Variants in CASR observed in about 807,000 individuals in gnomAD.
CASR encodes extracellular calcium-sensing receptor.
In CASR, 23 loss-of-function variants were observed where a neutral mutation model predicts 69.1. The ratio of observed to expected loss-of-function variants is 0.33; its 90% CI spans 0.24 to 0.47. CASR has a LOEUF of 0.47. CASR is among the 20% of genes least tolerant of loss of function. The probability of loss-of-function intolerance (pLI) is 1.00; values close to 1 mark genes in which losing one functional copy is unlikely to be tolerated. For missense variants in CASR, 924 were observed against 1,356.1 expected, an observed-to-expected ratio of 0.68 and a Z score of 5.00; for synonymous variants, 541 against 544.7, an observed-to-expected ratio of 0.99 and a Z score of 0.10.
chr3:122,233,627 T>A (rs2074300337), intron 1 of CASR, among the ~76,000 whole-genome samples: 1 of 152,206 alleles, frequency 6.6e-6, no homozygotes. Flanking sequence ...CTTCTCTCAC[T>A]TGAAGTCTGG....
intron 4 of CASR, among the ~76,000 whole-genome samples, chr3:122,272,825 G>A (rs1309541422): frequency 1.3e-5 from 2 of 152,124 alleles, no homozygotes; most frequent in Admixed American, 1.3e-4. Flanking sequence ...GTTTTTTAAT[G>A]ACTACTTAGA....
chr3:122,258,626 A>G (rs1453226317), intron 3 of CASR, among the ~76,000 whole-genome samples: 3 of 152,194 alleles, frequency 2.0e-5, no homozygotes, highest in Non-Finnish European at 2.9e-5. Context: ...TAAAGAAAGA[A>G]CATGAAAAGG....
chr3:122,232,418 T>A (rs1055628520), intron 1 of CASR, among the ~76,000 whole-genome samples: 2 of 152,084 alleles, frequency 1.3e-5, no homozygotes, highest in African/African-American at 4.8e-5. Flanking sequence ...GAAGAATGCC[T>A]CATCCCTGAT....
intron 1 of CASR, among the ~76,000 whole-genome samples, chr3:122,197,478 G>A (rs6438707): frequency 0.9 from 137,377 of 152,250 alleles, 62,672 homozygotes; most frequent in Admixed American, 0.93. Context: ...ACCGATGTTC[G>A]TATTTATCAG....
At chr3:122,202,042 C>T (rs1358167548) in intron 1 of CASR, among the ~76,000 whole-genome samples, 3 of 152,224 alleles carry the variant, frequency 2.0e-5, no homozygotes, top group Non-Finnish European at 4.4e-5. Flanking sequence ...GCTGCAATCT[C>T]GGCACTTTGG....
chr3:122,215,750 G>A (rs560269778), intron 1 of CASR, among the ~76,000 whole-genome samples: 3 of 152,188 alleles, frequency 2.0e-5, no homozygotes, highest in Non-Finnish European at 4.4e-5. Context: ...TGATTAAGCC[G>A]TGTGACAAGA....
intron 1 of CASR, among the ~76,000 whole-genome samples, chr3:122,228,318 AATTT>A (rs2074245814): frequency 6.6e-6 from 1 of 152,184 alleles, no homozygotes; most frequent in Non-Finnish European, 1.5e-5. Context: ...TTTGTTTTTT[AATTT>A]ATTTAAATTA....
intron 1 of CASR, among the ~76,000 whole-genome samples, chr3:122,194,988 C>T (rs1015935011): frequency 7.7e-6 from 1 of 129,546 alleles, no homozygotes; most frequent in African/African-American, 2.6e-5. Flanking sequence ...ACTTTTTCCT[C>T]CTCCTCCTCC....
intron 5 of CASR, among the ~76,000 whole-genome samples, chr3:122,278,934 A>G (rs1372958145): frequency 6.6e-6 from 1 of 152,182 alleles, no homozygotes; most frequent in Admixed American, 6.5e-5. Context: ...TATTTTAGCT[A>G]GACACATGAC....
At chr3:122,200,952 T>TC (rs1411927118) in intron 1 of CASR, among the ~76,000 whole-genome samples, 2 of 152,172 alleles carry the variant, frequency 1.3e-5, no homozygotes, top group South Asian at 4.1e-4. Flanking sequence ...CATATTTTTT[T>TC]CTCCATGTAA....
chr3:122,218,362 C>G (rs1378396542), intron 1 of CASR, among the ~76,000 whole-genome samples: 2 of 151,814 alleles, frequency 1.3e-5, no homozygotes, highest in Non-Finnish European at 2.9e-5. Flanking sequence ...GGTGAAACCC[C>G]GCCTCTACTA....
intron 2 of CASR, 30 bp from the exon 3 acceptor site, chr3:122,257,051 C>A: frequency 1.2e-6 from 2 of 1,602,804 alleles, no homozygotes; most frequent in Non-Finnish European, 1.7e-6. Flanking sequence ...AGAAAGCTTC[C>A]CATTTTCTTC....
chr3:122,200,994 CTTTT>C (rs67815991), intron 1 of CASR, among the ~76,000 whole-genome samples: 1 of 81,614 alleles, frequency 1.2e-5, no homozygotes, highest in East Asian at 2.4e-4. Flanking sequence ...CATTGCTTTT[CTTTT>C]TTTTTTATTT....
At chr3:122,237,087 C>T (rs2074335450) in intron 1 of CASR, among the ~76,000 whole-genome samples, 1 of 148,386 alleles carries the variant, frequency 6.7e-6, no homozygotes, top group Non-Finnish European at 1.5e-5. Context: ...TGTAGAGATG[C>T]TAATTGTAGC....
At chr3:122,236,102 T>C (rs1191584044) in intron 1 of CASR, among the ~76,000 whole-genome samples, 2 of 152,238 alleles carry the variant, frequency 1.3e-5, no homozygotes, top group African/African-American at 4.8e-5. Context: ...AGGCTCTTTT[T>C]ACAGTAACAA....
intron 4 of CASR, among the ~76,000 whole-genome samples, 166 bp from the exon 5 acceptor site, chr3:122,275,646 G>C (rs112088296): frequency 2.0e-5 from 3 of 152,176 alleles, no homozygotes; most frequent in Non-Finnish European, 4.4e-5. Context: ...TGCTAACACC[G>C]GCAAGTACTT....
At chr3:122,252,548 C>T (rs899250754) in intron 1 of CASR, among the ~76,000 whole-genome samples, 4 of 146,832 alleles carry the variant, frequency 2.7e-5, no homozygotes, top group African/African-American at 1.0e-4. Flanking sequence ...GGGAGAGGGA[C>T]AAAGAAAAAG....
chr3:122,214,774 C>T (rs2074099841), intron 1 of CASR, among the ~76,000 whole-genome samples: 1 of 152,154 alleles, frequency 6.6e-6, no homozygotes, highest in Non-Finnish European at 1.5e-5. Context: ...AAGACCATGT[C>T]CCCTAACTGG....
At chr3:122,249,427 C>G (rs556043937) in intron 1 of CASR, among the ~76,000 whole-genome samples, 20 of 152,354 alleles carry the variant, frequency 1.3e-4, no homozygotes, top group Admixed American at 1.1e-3. Context: ...TCCCTGGTAT[C>G]TAGCACATAG....
Sources: allele counts gnomAD v4.1 joint callset (sites outside exome capture counted in the v4.1 genomes callset), GRCh38; gene constraint gnomAD v4.1.1; transcripts MANE v1.5; gene names NCBI Gene and HGNC (gene_info 2026-07-23, HGNC 2026-07-21).